LRRC25: variants seen among roughly 807,000 people sequenced by gnomAD.
LRRC25 encodes leucine-rich repeat-containing protein 25.
In LRRC25, 5 loss-of-function variants were observed where a neutral mutation model predicts 18.8. The ratio of observed to expected loss-of-function variants is 0.27; its 90% confidence interval spans 0.14 to 0.56. The LOEUF (loss-of-function observed/expected upper bound fraction) is 0.56. LRRC25 is among the 20% of genes least tolerant of loss of function. The probability of loss-of-function intolerance (pLI) is 0.93; values close to 1 mark genes in which losing one functional copy is unlikely to be tolerated. For missense variants in LRRC25, 341 were observed against 389.8 expected (o/e 0.87, Z 1.05); for synonymous variants, 161 against 176.8 (o/e 0.91, Z 0.71).
chr19:18,395,636 A>C (rs141815370), intron 1 of LRRC25, among the ~76,000 whole-genome samples: 275 of 152,250 alleles, frequency 1.8e-3, no homozygotes, highest in African/African-American at 5.5e-3. Flanking sequence ...AAGGGGGGGA[A>C]GTTTGTCCCA....
At chr19:18,396,108 G>A in intron 1 of LRRC25, 77 bp downstream of exon 1, 2 of 1,502,956 alleles carry the variant, frequency 1.3e-6, no homozygotes, top group Non-Finnish European at 1.8e-6. Context: ...CGGCAGAGCT[G>A]GGATTTGAAC....
chr19:18,393,360 C>T (rs768700173), intron 1 of LRRC25, among the ~76,000 whole-genome samples: 4 of 152,172 alleles, frequency 2.6e-5, no homozygotes, highest in South Asian at 2.1e-4. Context: ...CGGTGGCTCA[C>T]GCCTATAATC....
chr19:18,393,774 AC>A (rs979819261), intron 1 of LRRC25, among the ~76,000 whole-genome samples: 6 of 152,224 alleles, frequency 3.9e-5, no homozygotes, highest in African/African-American at 1.4e-4. Flanking sequence ...GTGACCTTGG[AC>A]AAGTCATTTC....
At position 18,396,881 on chromosome 19, in the gene LRRC25, G is replaced by C; in HGVS notation, c.83C>G (p.Ser28Cys). The C allele has an allele frequency of 6.2e-7, 1 of 1,613,708 alleles. No homozygotes were observed. Among genetic ancestry groups the C allele is most frequent in the Non-Finnish European group, 8.5e-7 (1 of 1,180,026 alleles). Residue 28 changes from serine to cysteine, a missense_variant, in exon 1 of 2, where the codon TCC becomes TGC. Coordinates refer to ENST00000339007, the MANE Select transcript of LRRC25 (RefSeq NM_145256.3). The stretch of plus-strand genomic sequence containing the variant: ...CGCGTTCCAGTCCACATCCGCGGAG[G>C]ACACGGTGCACGACGGTTCTAGGCT... ...SDSLEPSCTV[S>C]SADVDWNAEF... is the part of the protein sequence containing the mutation.
At position 18,397,204 on chromosome 19, in the gene LRRC25, C is replaced by T. The variant is rs1258997685; in HGVS notation, c.-241G>A. 3.5e-6 allele frequency: 2 copies of T among 568,870 alleles called. No individual in the cohort carries two copies. The highest frequency in any genetic ancestry group is 2.3e-5 in the South Asian group (1 of 44,124). The allele number at this position is 568,870 out of a possible 1,614,324, so 35.2% of individuals were successfully genotyped here. A position where few individuals can be genotyped will look rare whatever the true frequency, so the allele number is the denominator to read the frequency against. The stretch of plus-strand genomic sequence containing the variant: ...GGGCTTGGAAGGCGAGGAGGAGATC[C>T]GGGCCAGTTAACCCCTTCTTCTATG... On this transcript the variant is annotated 5_prime_UTR_variant, in exon 1 of 2. Transcript: ENST00000339007.
At chr19:18,394,442 G>T (rs1303851764) in intron 1 of LRRC25, among the ~76,000 whole-genome samples, 1 of 151,872 alleles carries the variant, frequency 6.6e-6, no homozygotes, top group African/African-American at 2.4e-5. Context: ...AAGTAGCTGG[G>T]ATTACAGGCA....
In LRRC25 at chr19:18,396,296, C is replaced by T; in HGVS notation, c.668G>A (p.Ser223Asn). 1.2e-6 allele frequency: 2 copies of T among 1,613,728 alleles called. No homozygotes were observed. Among genetic ancestry groups the T allele is most frequent in the South Asian group, 2.2e-5 (2 of 91,070 alleles). Residue 223 changes from serine to asparagine, a missense_variant, in exon 1 of 2, where the codon AGC (serine) becomes AAC (asparagine). Coordinates refer to ENST00000339007, the MANE Select transcript of LRRC25 (RefSeq NM_145256.3). ...CACTTGGGGCTTGGGGGCGCTCCGG[C>T]TGCCGTACCGTGGCTGCAAGCCTAA... ...PGLGLQPRYG[S>N]RSAPKPQVAV...
intron 1 of LRRC25, among the ~76,000 whole-genome samples, chr19:18,395,612 G>T (rs1337883395): frequency 6.6e-6 from 1 of 152,212 alleles, no homozygotes; most frequent in East Asian, 1.9e-4. Context: ...CCAGAAACTG[G>T]GTTTACAGGT....
chr19:18,394,055 A>G (rs1333125571), intron 1 of LRRC25, among the ~76,000 whole-genome samples: 2 of 152,062 alleles, frequency 1.3e-5, no homozygotes, highest in Non-Finnish European at 2.9e-5. Context: ...GCCTTCCGAT[A>G]GCCTCCCCAC....
Position 18,391,857 on chromosome 19 carries a change from G to A in LRRC25, c.*130C>T. The A allele has an allele frequency of 8.8e-7, 1 of 1,138,566 alleles. No homozygotes were observed. The highest frequency in any genetic ancestry group is 1.2e-6 in the Non-Finnish European group (1 of 810,414). The allele number at this position is 1,138,566 out of a possible 1,614,324, so 70.5% of individuals were successfully genotyped here. ...GGAGGGGGCGGCAGAGCTTCCTGGG[G>A]CCTCAAGGACAATCCTTTCCTGTAC... is the stretch of plus-strand genomic sequence containing the variant. On this transcript the variant is annotated 3_prime_UTR_variant, in exon 2 of 2. Coordinates refer to ENST00000339007, the MANE Select transcript of LRRC25 (RefSeq NM_145256.3).
intron 1 of LRRC25, among the ~76,000 whole-genome samples, chr19:18,392,540 A>G (rs11879745): frequency 0.01 from 1,522 of 152,058 alleles, 20 homozygotes; most frequent in African/African-American, 0.035. Flanking sequence ...TCCACCCCGA[A>G]TATTTACATA....
Position 18,396,256 on chromosome 19 carries a change from G to A in LRRC25, c.708C>T (p.Cys236=). The change falls in exon 1 of 2, where the codon TGC becomes TGT. Residue 236 remains cysteine (C), a synonymous_variant. Transcript: ENST00000339007. Reference sequence around the variant, plus strand: ...TGTTCTCATAGTCGGGAGTGGAGGGGCAGGATGGCACGGCCACTTGGGGCT... The same window carrying A: ...TGTTCTCATAGTCGGGAGTGGAGGGACAGGATGGCACGGCCACTTGGGGCT... The part of the protein sequence containing the change: ...APKPQVAVPS[C]PSTPDYENMF... 5 of 1,613,718 alleles carry A rather than the reference G, an allele frequency of 3.1e-6. No individual in the cohort carries two copies. The highest frequency in any genetic ancestry group is 4.2e-6 in the Non-Finnish European group (5 of 1,179,772).
At chr19:18,392,892 A>T (rs1411759322) in intron 1 of LRRC25, among the ~76,000 whole-genome samples, 1 of 152,082 alleles carries the variant, frequency 6.6e-6, no homozygotes, top group Non-Finnish European at 1.5e-5. Context: ...CGGGAGGCTG[A>T]GGTGGGAGGA....
At position 18,396,183 on chromosome 19, in the gene LRRC25, AC is replaced by A. The variant is rs770416025; in HGVS notation, c.779+1del. Reference sequence around the variant, plus strand: ...TGGCAGGTGTCTCAGTGGCTTACTTACCCTTGTTCATCCCACTGGTGCTCGG... The same window carrying A: ...TGGCAGGTGTCTCAGTGGCTTACTTACCTTGTTCATCCCACTGGTGCTCGG... On this transcript the variant is annotated splice_donor_variant, in intron 1 of 1. Coordinates refer to ENST00000339007, the MANE Select transcript of LRRC25 (RefSeq NM_145256.3). LOFTEE classifies it high-confidence loss of function. 1.3e-6 allele frequency: 2 copies of A among 1,585,422 alleles called. No individual in the cohort carries two copies. The highest frequency in any genetic ancestry group is 1.7e-6 in the Non-Finnish European group (2 of 1,160,376).
intron 1 of LRRC25, 98 bp downstream of exon 1, chr19:18,396,087 C>G: frequency 2.1e-6 from 3 of 1,434,402 alleles, no homozygotes; most frequent in Non-Finnish European, 2.8e-6. Flanking sequence ...TAAGATCCCA[C>G]AGCCTTCAAG....
intron 1 of LRRC25, 106 bp from the exon 2 acceptor site, chr19:18,392,231 G>A (rs775669869): frequency 2.0e-4 from 239 of 1,202,134 alleles, no homozygotes; most frequent in Non-Finnish European, 2.7e-4. Context: ...TCTGACTCAC[G>A]CCTGTAATCC....
At position 18,397,292 on chromosome 19, in the gene LRRC25, T is replaced by G; in HGVS notation, c.-329A>C. The G allele has an allele frequency of 3.1e-6, 1 of 324,160 alleles. No individual in the cohort carries two copies. The highest frequency in any genetic ancestry group is 5.2e-5 in the South Asian group (1 of 19,208). 20.1% of individuals were successfully genotyped at this position (324,160 alleles called of 1,614,324 possible). On this transcript the variant is annotated 5_prime_UTR_variant, in exon 1 of 2. Coordinates refer to ENST00000339007, the MANE Select transcript of LRRC25 (RefSeq NM_145256.3). ...GACCCTATGCAAATAAGCGGTTGCC[T>G]TGGAAACGGCCCCGCCCCCTGATCA...
chr19:18,394,921 A>G (rs976118924), intron 1 of LRRC25, among the ~76,000 whole-genome samples: 2 of 152,150 alleles, frequency 1.3e-5, no homozygotes, highest in Non-Finnish European at 2.9e-5. Flanking sequence ...TCTATGAAAA[A>G]TACAAAAATT....
Position 18,396,542 on chromosome 19 carries a change from TC to T in LRRC25, c.421del (p.Asp141ThrfsTer61). 6.2e-7 allele frequency: 1 copy of T among 1,613,242 alleles called. No homozygotes were observed. Among genetic ancestry groups the T allele is most frequent in the South Asian group, 1.1e-5 (1 of 91,052 alleles). On this transcript the variant is annotated frameshift_variant, in exon 1 of 2. Transcript: ENST00000339007. LOFTEE classifies it high-confidence loss of function. ...GAGGTTGTGCTGGGAGCTGGTTGTG[TC>T]CCAGCAGAGCAGAGGCTTCTGGCCA... ...CSGQKPLLCWDTTSSQHNLSA... is the reference protein window; with the variant it reads ...CSGQKPLLCWXTTSSQHNLSA...
Sources: allele counts gnomAD v4.1 joint callset (sites outside exome capture counted in the v4.1 genomes callset), GRCh38; gene constraint gnomAD v4.1.1; transcripts MANE v1.5; gene names NCBI Gene and HGNC (gene_info 2026-07-23, HGNC 2026-07-21).